GNL3: variants seen among roughly 807,000 people sequenced by gnomAD.
GNL3 encodes G protein nucleolar 3.
GNL3 carries 77 observed loss-of-function variants against 70.6 expected under a neutral mutation model. The observed-to-expected ratio is 1.09, with a 90% CI of 0.91 to 1.32. The LOEUF is 1.32. Among genes scored for constraint, GNL3 ranks in the 40% most tolerant of loss-of-function variants. The pLI, the probability that GNL3 is intolerant of heterozygous loss-of-function variation, is 0.00. For missense variants in GNL3, 634 were observed against 644.0 expected, an observed-to-expected ratio of 0.98 and a Z score of 0.17; for synonymous variants, 252 against 216.1, an observed-to-expected ratio of 1.17 and a Z score of -1.46.
Position 52,686,074 on chromosome 3 carries a change from G to C in GNL3, c.-19G>C, listed in dbSNP as rs1214056553. 1 of 1,163,400 alleles carries C rather than the reference G, an allele frequency of 8.6e-7. No homozygotes were observed. The highest frequency in any genetic ancestry group is 1.3e-6 in the Non-Finnish European group (1 of 767,762). The allele number at this position is 1,163,400 out of a possible 1,614,324, so 72.1% of individuals were successfully genotyped here. ...AGCGGAGGCAGGTTGATGTGTTTGT[G>C]CTTCCTTCTACAGCCAATATGAAAA... is the stretch of plus-strand genomic sequence containing the variant. On this transcript the variant is annotated 5_prime_UTR_variant, in exon 1 of 15. Coordinates refer to ENST00000418458, the MANE Select transcript of GNL3 (RefSeq NM_014366.5).
chr3:52,690,710 C>CT lies in GNL3; in HGVS notation c.654+9dup, dbSNP rs764835703. The CT allele has an allele frequency of 1.1e-5, 16 of 1,448,098 alleles. No individual in the cohort carries two copies. The highest frequency in any genetic ancestry group is 1.7e-5 in the Admixed American group (1 of 58,934). 89.7% of individuals were successfully genotyped at this position (1,448,098 alleles called of 1,614,324 possible). A position where few individuals can be genotyped will look rare whatever the true frequency, so the allele number is the denominator to read the frequency against. The stretch of plus-strand genomic sequence containing the variant: ...ATAAAGGGAAGATAACCAAGGTATC[C>CT]TTTATTAGTGGTAAGAAATGTGATT... On this transcript the variant is annotated splice_region_variant and intron_variant, in intron 7 of 14. Coordinates refer to ENST00000418458, the MANE Select transcript of GNL3 (RefSeq NM_014366.5).
At chr3:52,693,933 G>A (rs1382017518) in intron 13 of GNL3, 104 bp from the exon 14 acceptor site, 25 of 1,287,988 alleles carry the variant, frequency 1.9e-5, no homozygotes, top group Non-Finnish European at 2.7e-5. Context: ...TGCACATCCC[G>A]TTATATGTAC....
In GNL3 at chr3:52,687,493, C is replaced by T. The variant is rs756402309; in HGVS notation, c.211-9C>T. Reference sequence around the variant, plus strand: ...ACTGGTTCACCTATTTCCCTTATGGCTCTGACAGCTTGAAGAACTAAAACA... The same window carrying T: ...ACTGGTTCACCTATTTCCCTTATGGTTCTGACAGCTTGAAGAACTAAAACA... On this transcript the variant is annotated splice_polypyrimidine_tract_variant and intron_variant, in intron 3 of 14. Coordinates refer to ENST00000418458, the MANE Select transcript of GNL3 (RefSeq NM_014366.5). 3 of 1,604,310 alleles carry T rather than the reference C, an allele frequency of 1.9e-6. No individual in the cohort carries two copies. The highest frequency in any genetic ancestry group is 2.2e-5 in the South Asian group (2 of 90,844).
In GNL3 at chr3:52,693,810, AAG is replaced by A; in HGVS notation, c.1500+4_1500+5del. 1 of 1,610,368 alleles carries A rather than the reference AAG, an allele frequency of 6.2e-7. No individual in the cohort carries two copies. Among genetic ancestry groups the A allele is most frequent in the Non-Finnish European group, 8.5e-7 (1 of 1,176,796 alleles). ...AAACTGTTGATGAAGAAGTTGATGT[AAG>A]TGTGTCCTCCATGAGTTAAAACTGA... is the stretch of plus-strand genomic sequence containing the variant. On this transcript the variant is annotated splice_donor_5th_base_variant and intron_variant, in intron 13 of 14. Transcript: ENST00000418458.
rs750467700 is a variant in GNL3 at position 52,691,588 on chromosome 3, A to G, written c.828A>G (p.Gln276=). ...GCAGCATTATCAATAGCTTAAAACA[A>G]GAACAGATGTGTAATGTTGGTGTAT... ...GKSSIINSLK[Q]EQMCNVGVSM... is the part of the protein sequence containing the mutation. Residue 276 remains glutamine, a synonymous_variant, in exon 9 of 15, where the codon CAA becomes CAG. Transcript: ENST00000418458. 1 of 1,603,052 alleles carries G rather than the reference A, an allele frequency of 6.2e-7. No homozygotes were observed. Among genetic ancestry groups the G allele is most frequent in the Admixed American group, 1.7e-5 (1 of 59,742 alleles).
In GNL3 at chr3:52,690,584, G is replaced by A; in HGVS notation, c.542-8G>A. On this transcript the variant is annotated splice_polypyrimidine_tract_variant and splice_region_variant and intron_variant, in intron 6 of 14. Coordinates refer to ENST00000418458, the MANE Select transcript of GNL3 (RefSeq NM_014366.5). Reference sequence around the variant, plus strand: ...GGCCGCAAATGTCTTATTTCTAATTGCTATCAGATCTGGTACCAAAGGAGA... The same window carrying A: ...GGCCGCAAATGTCTTATTTCTAATTACTATCAGATCTGGTACCAAAGGAGA... 1.3e-6 allele frequency: 2 copies of A among 1,508,310 alleles called. No individual in the cohort carries two copies. The highest frequency in any genetic ancestry group is 9.2e-7 in the Non-Finnish European group (1 of 1,083,816). The allele number at this position is 1,508,310 out of a possible 1,614,324, so 93.4% of individuals were successfully genotyped here.
At chr3:52,691,700 T>G in intron 9 of GNL3, 71 bp downstream of exon 9, 11 of 767,588 alleles carry the variant, frequency 1.4e-5, no homozygotes, top group East Asian at 2.7e-5. Context: ...TCAAGGAAGG[T>G]GATTTTTTTT....
At chr3:52,685,940 G>C (rs1009535283), upstream of GNL3, 32 of 711,166 alleles carry the variant, frequency 4.5e-5, no homozygotes, top group Admixed American at 3.7e-4. Flanking sequence ...AGCGATCCCT[G>C]CTCCGCGCGA....
At chr3:52,693,069 G>A (rs1166496016) in intron 10 of GNL3, 23 bp downstream of exon 10, 1 of 1,610,414 alleles carries the variant, frequency 6.2e-7, no homozygotes, top group Non-Finnish European at 8.5e-7. Context: ...CTTCTCATGA[G>A]CTCCTTGGAG....
chr3:52,689,793 A>G (rs1350432030), intron 6 of GNL3, among the ~76,000 whole-genome samples: 3 of 152,138 alleles, frequency 2.0e-5, no homozygotes, highest in Admixed American at 1.3e-4. Flanking sequence ...TCTCTACTAA[A>G]ATACAAATAT....
rs748121500 is a variant in GNL3, at chr3:52,693,989, G to C, written c.1501-48G>C. On this transcript the variant is annotated intron_variant, in intron 13 of 14. Coordinates refer to ENST00000418458, the MANE Select transcript of GNL3 (RefSeq NM_014366.5). ...AGGTACATAACTACTTGGATTAAAT[G>C]AGCAGACAAGGGCTACTAATCCAGC... 6.0e-6 allele frequency: 9 copies of C among 1,492,040 alleles called. No homozygotes were observed. In the South Asian group the frequency reaches 1.0e-4, roughly 17 times the overall value. 92.4% of individuals were successfully genotyped at this position (1,492,040 alleles called of 1,614,324 possible).
chr3:52,692,006 TA>T (rs1329255153), intron 9 of GNL3, among the ~76,000 whole-genome samples: 1 of 152,124 alleles, frequency 6.6e-6, no homozygotes, highest in Admixed American at 6.5e-5. Context: ...GGCCTATTTT[TA>T]TTTTTTAAAG....
intron 9 of GNL3, among the ~76,000 whole-genome samples, chr3:52,692,368 G>GCCTTTTTTTTTTTTTTT (rs2097328112): frequency 4.7e-5 from 3 of 64,212 alleles, no homozygotes; most frequent in Admixed American, 1.8e-4. Context: ...CCAACTTTTA[G>GCCTTTTTTTTTTTTTTT]ATTTTTTTTT....
chr3:52,689,304 C>A (rs1242649999), intron 6 of GNL3, 98 bp downstream of exon 6: 2 of 1,145,300 alleles, frequency 1.7e-6, no homozygotes, highest in Admixed American at 1.7e-5. Context: ...CAACTCTGAT[C>A]TCAGCAAAGC....
At chr3:52,687,089 T>TA (rs1318510175) in intron 2 of GNL3, 157 bp from the exon 3 acceptor site, 12 of 667,514 alleles carry the variant, frequency 1.8e-5, no homozygotes, top group African/African-American at 1.5e-4. Flanking sequence ...GTTTTATACT[T>TA]ACATATGCAT....
chr3:52,691,096 A>C, intron 8 of GNL3, 25 bp downstream of exon 8: 1 of 1,606,642 alleles, frequency 6.2e-7, no homozygotes, highest in Non-Finnish European at 8.5e-7. Context: ...ATTACTTTTT[A>C]CTTTTTAAGT....
chr3:52,692,933 G>A lies in GNL3; in HGVS notation c.931G>A (p.Val311Ile), dbSNP rs746795082. 1.9e-5 allele frequency: 30 copies of A among 1,613,184 alleles called. No homozygotes were observed. Among genetic ancestry groups the A allele is most frequent in the Non-Finnish European group, 2.4e-5 (28 of 1,179,334 alleles). The change falls in exon 10 of 15, where the codon GTA becomes ATA. Residue 311 changes from valine (V) to isoleucine (I), a missense_variant. Coordinates refer to ENST00000418458, the MANE Select transcript of GNL3 (RefSeq NM_014366.5). ...ITIIDSPSFI[V>I]SPLNSSSALA... ...AATCATAGATAGTCCGAGCTTCATC[G>A]TATCTCCACTTAATTCCTCCTCTGC...
chr3:52,691,771 C>G (rs546131416), intron 9 of GNL3, 142 bp downstream of exon 9: 1 of 603,128 alleles, frequency 1.7e-6, no homozygotes, highest in African/African-American at 1.9e-5. Context: ...GGCGCAATCT[C>G]GGCTCACTGC....
Position 52,691,428 on chromosome 3 carries a change from G to A in GNL3, c.782-114G>A. 4.2e-6 allele frequency: 3 copies of A among 711,438 alleles called. No individual in the cohort carries two copies. In the Middle Eastern group the frequency reaches 7.7e-4, roughly 182 times the overall value. The allele number at this position is 711,438 out of a possible 1,614,324, so 44.1% of individuals were successfully genotyped here. A position where few individuals can be genotyped will look rare whatever the true frequency, so the allele number is the denominator to read the frequency against. ...CTTAGTATTGAAGTGAAGACACTGA[G>A]ATCCAACTCTGATCTTGCCCTAAAC... is the stretch of plus-strand genomic sequence containing the variant. On this transcript the variant is annotated intron_variant, in intron 8 of 14. Coordinates refer to ENST00000418458, the MANE Select transcript of GNL3 (RefSeq NM_014366.5).
Sources: gnomAD v4.1 joint callset for allele counts (sites outside exome capture counted in the v4.1 genomes callset) on GRCh38, gnomAD v4.1.1 for gene constraint, MANE v1.5 for transcripts, NCBI Gene and HGNC (gene_info 2026-07-23, HGNC 2026-07-21) for gene names.